Variants in ROBO2 observed in about 807,000 individuals in gnomAD.
The protein encoded by ROBO2 is roundabout homolog 2.
Under a neutral mutation model 160.8 loss-of-function variants are expected in ROBO2, and 53 were observed. The ratio of observed to expected loss-of-function variants is 0.33; its 90% CI spans 0.26 to 0.41. The LOEUF (loss-of-function observed/expected upper bound fraction) is 0.41. Ranked by LOEUF, ROBO2 falls within the 10% of genes least tolerant of loss-of-function variation. The pLI, the probability that ROBO2 is intolerant of heterozygous loss-of-function variation, is 1.00. For missense variants in ROBO2, 1,577 were observed against 1,722.4 expected (o/e 0.92, Z 1.49); for synonymous variants, 664 against 611.7 (o/e 1.09, Z -1.26).
chr3:76,463,005 C>T (rs2078168937), intron 2 of ROBO2, among the ~76,000 whole-genome samples: 1 of 150,282 alleles, frequency 6.7e-6, no homozygotes, highest in Admixed American at 6.6e-5. Flanking sequence ...TAGGTCCACT[C>T]ACTTTGCCCA....
At chr3:76,660,834 A>T (rs1250566727) in intron 2 of ROBO2, among the ~76,000 whole-genome samples, 2 of 152,190 alleles carry the variant, frequency 1.3e-5, no homozygotes, top group African/African-American at 4.8e-5. Context: ...ATTTACAGCT[A>T]TTGAATGTTT....
chr3:76,052,585 A>G (rs1033816606), intron 2 of ROBO2, among the ~76,000 whole-genome samples: 2 of 151,986 alleles, frequency 1.3e-5, no homozygotes, highest in Admixed American at 1.3e-4. Flanking sequence ...AAAATTTCTC[A>G]GTGTTTCTGT....
intron 2 of ROBO2, among the ~76,000 whole-genome samples, chr3:76,537,520 G>A (rs1186644481): frequency 6.6e-6 from 1 of 152,072 alleles, no homozygotes; most frequent in Non-Finnish European, 1.5e-5. Flanking sequence ...CTGGAGAAGA[G>A]GGTGAAAAAG....
At chr3:76,316,543 G>A (rs985380977) in intron 2 of ROBO2, among the ~76,000 whole-genome samples, 12 of 152,104 alleles carry the variant, frequency 7.9e-5, no homozygotes, top group Non-Finnish European at 1.2e-4. Context: ...TTTTCAAGGT[G>A]CACTGATATC....
At chr3:76,860,521 A>G (rs547302638) in intron 2 of ROBO2, among the ~76,000 whole-genome samples, 6 of 152,212 alleles carry the variant, frequency 3.9e-5, no homozygotes, top group African/African-American at 1.4e-4. Context: ...TATGTCTCCA[A>G]AAATAGTTGA....
intron 2 of ROBO2, among the ~76,000 whole-genome samples, chr3:76,065,416 A>G (rs1025606876): frequency 2.0e-5 from 3 of 152,074 alleles, no homozygotes; most frequent in Non-Finnish European, 2.9e-5. Flanking sequence ...ATTTGTAAAG[A>G]CAACAATCGT....
intron 2 of ROBO2, among the ~76,000 whole-genome samples, chr3:76,503,729 T>C (rs969785166): frequency 2.0e-5 from 3 of 152,114 alleles, no homozygotes; most frequent in Admixed American, 6.6e-5. Flanking sequence ...CTCACTTACA[T>C]GTAGAATATT....
At chr3:76,823,047 C>T (rs904707529) in intron 2 of ROBO2, among the ~76,000 whole-genome samples, 29 of 152,182 alleles carry the variant, frequency 1.9e-4, no homozygotes, top group Admixed American at 1.9e-3. Flanking sequence ...CTGTGCCTGT[C>T]TTACCATTCC....
At chr3:77,325,103 G>C (rs986674838) in intron 2 of ROBO2, among the ~76,000 whole-genome samples, 5 of 152,158 alleles carry the variant, frequency 3.3e-5, no homozygotes, top group African/African-American at 7.2e-5. Flanking sequence ...TGATTCATAA[G>C]TATTGCTTGT....
intron 2 of ROBO2, among the ~76,000 whole-genome samples, chr3:77,459,699 G>C (rs1317198885): frequency 6.6e-6 from 1 of 152,116 alleles, no homozygotes; most frequent in African/African-American, 2.4e-5. Flanking sequence ...ACTGAGATTT[G>C]ACTAAAAGAA....
chr3:76,171,272 C>T (rs190875523), intron 2 of ROBO2, among the ~76,000 whole-genome samples: 15 of 151,508 alleles, frequency 9.9e-5, no homozygotes, highest in Admixed American at 9.9e-4. Flanking sequence ...CTGATTATAA[C>T]TAAAAACTCT....
chr3:77,054,647 G>C (rs2065544923), intron 1 of ROBO2, among the ~76,000 whole-genome samples: 1 of 152,118 alleles, frequency 6.6e-6, no homozygotes, highest in African/African-American at 2.4e-5. Context: ...TCCTCAGATA[G>C]AAATCGCCAT....
intron 1 of ROBO2, among the ~76,000 whole-genome samples, chr3:77,062,444 A>G (rs1343074980): frequency 6.6e-6 from 1 of 152,104 alleles, no homozygotes; most frequent in Non-Finnish European, 1.5e-5. Flanking sequence ...AACAGGACCC[A>G]AGTTGTGGAA....
intron 2 of ROBO2, among the ~76,000 whole-genome samples, chr3:76,155,018 T>C (rs964228795): frequency 3.9e-5 from 6 of 152,184 alleles, no homozygotes; most frequent in Admixed American, 1.3e-4. Flanking sequence ...ATTAAAGATA[T>C]CCGAAAAACT....
At chr3:77,519,713 AT>A (rs2153625687) in intron 5 of ROBO2, among the ~76,000 whole-genome samples, 1 of 151,548 alleles carries the variant, frequency 6.6e-6, no homozygotes, top group East Asian at 2.0e-4. Context: ...TGTCTTTGCT[AT>A]TATGAATAGT....
At chr3:76,316,760 A>G (rs1320111895) in intron 2 of ROBO2, among the ~76,000 whole-genome samples, 1 of 152,226 alleles carries the variant, frequency 6.6e-6, no homozygotes, top group African/African-American at 2.4e-5. Flanking sequence ...GACAGGTGTA[A>G]GAAATTATAA....
intron 2 of ROBO2, among the ~76,000 whole-genome samples, chr3:77,152,490 A>C (rs1200445811): frequency 6.6e-6 from 1 of 152,208 alleles, no homozygotes; most frequent in Non-Finnish European, 1.5e-5. Flanking sequence ...GCCACCGCTG[A>C]CTGTGGCCAC....
At chr3:77,483,697 A>T (rs891444066) in intron 4 of ROBO2, among the ~76,000 whole-genome samples, 57 of 148,502 alleles carry the variant, frequency 3.8e-4, no homozygotes, top group African/African-American at 1.4e-3. Context: ...GTTCAAAAAA[A>T]TAAGTATATA....
At chr3:76,626,099 G>A (rs1178436486) in intron 2 of ROBO2, among the ~76,000 whole-genome samples, 1 of 152,182 alleles carries the variant, frequency 6.6e-6, no homozygotes, top group Non-Finnish European at 1.5e-5. Context: ...TCCAGAAGCA[G>A]AAGACTTTAA....
Sources: gnomAD v4.1 joint callset for allele counts (sites outside exome capture counted in the v4.1 genomes callset) on GRCh38, gnomAD v4.1.1 for gene constraint, MANE v1.5 for transcripts, NCBI Gene and HGNC (gene_info 2026-07-23, HGNC 2026-07-21) for gene names.